The following TRPC5 variants were observed in gnomAD, a reference collection of about 807,000 sequenced individuals.
TRPC5 encodes short transient receptor potential channel 5.
Under a neutral mutation model 56.5 loss-of-function variants are expected in TRPC5, and 9 were observed. The observed-to-expected ratio is 0.16, with a 90% confidence interval of 0.10 to 0.28. The LOEUF is 0.28. Among genes scored for constraint, TRPC5 ranks in the 10% least tolerant of loss-of-function variants. The pLI is 1.00. For synonymous variants in TRPC5, 282 were observed against 278.5 expected, an observed-to-expected ratio of 1.01 and a Z score of -0.13; for missense variants, 469 against 748.9, an observed-to-expected ratio of 0.63 and a Z score of 4.36.
chrX:112,070,758 C>CG (rs370299776), intron 1 of TRPC5, among the ~76,000 whole-genome samples: 17 of 108,354 alleles, frequency 1.6e-4, no homozygotes, highest in African/African-American at 5.5e-4. Flanking sequence ...TGCCCCCCCC[C>CG]AAAGTTACTT....
chrX:111,846,537 G>C (rs1004084018), intron 6 of TRPC5, among the ~76,000 whole-genome samples: 7 of 111,738 alleles, frequency 6.3e-5, no homozygotes, highest in Admixed American at 5.7e-4. Flanking sequence ...CTTGTGTCCT[G>C]AGACATTTCC....
At chrX:111,815,855 C>T (rs780548437) in intron 7 of TRPC5, among the ~76,000 whole-genome samples, 7 of 111,085 alleles carry the variant, frequency 6.3e-5, no homozygotes, top group Admixed American at 2.9e-4. Context: ...AGACACAGGA[C>T]GGTGGAGAGT....
At chrX:111,805,837 T>C (rs188839286) in intron 7 of TRPC5, among the ~76,000 whole-genome samples, 1 of 110,417 alleles carries the variant, frequency 9.1e-6, no homozygotes, top group African/African-American at 3.3e-5. Flanking sequence ...CACACCTGGC[T>C]CATTTTTGTA....
At chrX:111,963,285 T>G (rs893522897) in intron 1 of TRPC5, among the ~76,000 whole-genome samples, 13 of 112,387 alleles carry the variant, frequency 1.2e-4, no homozygotes, top group African/African-American at 3.9e-4. Context: ...GAGGGGCGCC[T>G]GCCATTGCCC....
intron 7 of TRPC5, among the ~76,000 whole-genome samples, chrX:111,785,552 C>T (rs185308978): frequency 3.1e-4 from 35 of 111,846 alleles, no homozygotes; most frequent in Non-Finnish European, 5.5e-4. Context: ...GAAAGCTGGA[C>T]GGAGAATCAC....
intron 2 of TRPC5, among the ~76,000 whole-genome samples, chrX:111,944,274 G>A (rs1259800151): frequency 1.4e-5 from 1 of 73,993 alleles, no homozygotes; most frequent in Non-Finnish European, 2.3e-5. Flanking sequence ...AAGAGTGTGT[G>A]TGTGTGTGTG....
chrX:111,845,194 C>G (rs756915129), intron 6 of TRPC5, among the ~76,000 whole-genome samples: 8 of 111,543 alleles, frequency 7.2e-5, no homozygotes, highest in Non-Finnish European at 1.3e-4. Flanking sequence ...GCTGGGATCA[C>G]GCCACTGTAC....
At chrX:112,049,532 A>AATAT (rs750428556) in intron 1 of TRPC5, among the ~76,000 whole-genome samples, 1 of 106,720 alleles carries the variant, frequency 9.4e-6, no homozygotes, top group Admixed American at 1.0e-4. Flanking sequence ...TTATATATTT[A>AATAT]ATATATATAT....
At chrX:111,900,618 G>A (rs982096887) in intron 3 of TRPC5, among the ~76,000 whole-genome samples, 1 of 111,490 alleles carries the variant, frequency 9.0e-6, no homozygotes, top group Admixed American at 9.6e-5. Flanking sequence ...AAGCTTCGGG[G>A]ACTTTAAGTT....
intron 10 of TRPC5, among the ~76,000 whole-genome samples, chrX:111,778,541 A>G (rs1945896160): frequency 9.0e-6 from 1 of 111,657 alleles, no homozygotes. Flanking sequence ...GTTTTAGGCT[A>G]ATGCCACTAG....
Position 112,082,461 on chromosome X carries a change from T to C in TRPC5, c.-604A>G, listed in dbSNP as rs1379738553. The C allele has an allele frequency of 3.6e-5, 4 of 110,581 alleles. No individual in the cohort carries two copies. The highest frequency in any genetic ancestry group is 7.6e-5 in the Non-Finnish European group (4 of 52,869). The allele number at this position is 110,581 out of a possible 1,213,427, so 9.1% of individuals were successfully genotyped here. ...ACACGCACACTCAAGCTCCAGCTGT[T>C]AGGTAGCGGCTGGCGGGAGCGCTGG... On this transcript the variant is annotated 5_prime_UTR_variant, in exon 1 of 11. Coordinates refer to ENST00000262839, the MANE Select transcript of TRPC5 (RefSeq NM_012471.3).
At chrX:111,941,568 T>C (rs1926779669) in intron 2 of TRPC5, among the ~76,000 whole-genome samples, 1 of 112,142 alleles carries the variant, frequency 8.9e-6, no homozygotes, top group Admixed American at 9.4e-5. Flanking sequence ...TTCTCCACTG[T>C]GCAGGGTCGC....
chrX:111,837,397 C>T (rs1476534424), intron 6 of TRPC5, among the ~76,000 whole-genome samples: 1 of 111,576 alleles, frequency 9.0e-6, no homozygotes, highest in Non-Finnish European at 1.9e-5. Context: ...GTAAATAGCA[C>T]AAGCAGCTAG....
chrX:111,989,819 T>G (rs1209286920), intron 1 of TRPC5, among the ~76,000 whole-genome samples: 1 of 112,473 alleles, frequency 8.9e-6, no homozygotes, highest in African/African-American at 3.2e-5. Flanking sequence ...AGATGCATAC[T>G]GTATGATATC....
chrX:111,879,882 G>A (rs776847386), intron 3 of TRPC5, among the ~76,000 whole-genome samples: 5 of 110,483 alleles, frequency 4.5e-5, no homozygotes, highest in Non-Finnish European at 1.9e-5. Context: ...GTGCTAGTGT[G>A]ATTTAGGATT....
At chrX:112,026,920 G>A (rs1431363349) in intron 1 of TRPC5, among the ~76,000 whole-genome samples, 45 of 104,937 alleles carry the variant, frequency 4.3e-4, no homozygotes, top group Non-Finnish European at 8.0e-4. Context: ...AAAAAAAAAA[G>A]AAGAAGAAAA....
At chrX:111,781,553 G>A (rs1335098280) in intron 8 of TRPC5, among the ~76,000 whole-genome samples, 5 of 111,559 alleles carry the variant, frequency 4.5e-5, no homozygotes, top group Admixed American at 9.5e-5. Context: ...GTGAAACCCT[G>A]TCTCTACTAA....
chrX:111,926,719 G>C (rs1259655616), intron 2 of TRPC5, among the ~76,000 whole-genome samples: 2 of 112,339 alleles, frequency 1.8e-5, no homozygotes, highest in African/African-American at 6.5e-5. Flanking sequence ...TCATGGATAA[G>C]GAAGCTGAGG....
intron 1 of TRPC5, among the ~76,000 whole-genome samples, chrX:111,967,465 A>T (rs1275877780): frequency 8.9e-6 from 1 of 111,988 alleles, no homozygotes; most frequent in Non-Finnish European, 1.9e-5. Flanking sequence ...TCTTCACAGA[A>T]CTGGAAAAAA....
Sources: allele counts gnomAD v4.1 joint callset (sites outside exome capture counted in the v4.1 genomes callset), GRCh38; gene constraint gnomAD v4.1.1; transcripts MANE v1.5; gene names NCBI Gene and HGNC (gene_info 2026-07-23, HGNC 2026-07-21).